TBC1D32: variants seen among roughly 807,000 people sequenced by gnomAD.
TBC1D32 encodes TBC1 domain family member 32, also known as protein broad-minded.
TBC1D32 carries 151 observed loss-of-function variants against 170.3 expected under a neutral mutation model. The observed-to-expected ratio is 0.89, with a 90% confidence interval of 0.78 to 1.01. The LOEUF is 1.01. Among genes scored for constraint, TBC1D32 ranks in the 50% least tolerant of loss-of-function variants. The probability of loss-of-function intolerance (pLI) is 0.00; values close to 1 mark genes in which losing one functional copy is unlikely to be tolerated. For missense variants in TBC1D32, 1,464 were observed against 1,457.1 expected (o/e 1.00, Z -0.08); for synonymous variants, 498 against 488.0 (o/e 1.02, Z -0.27).
intron 3 of TBC1D32, among the ~76,000 whole-genome samples, chr6:121,311,881 T>C (rs1808266932): frequency 1.3e-5 from 2 of 152,106 alleles, no homozygotes; most frequent in Admixed American, 6.6e-5. Flanking sequence ...GAAATACCAT[T>C]TGACCCAGCA....
At chr6:121,269,448 C>A (rs1030632569) in intron 15 of TBC1D32, among the ~76,000 whole-genome samples, 347 of 74,164 alleles carry the variant, frequency 4.7e-3, no homozygotes, top group Non-Finnish European at 0.013. Context: ...CAAAAAAAAG[C>A]AGGGGTTGCA....
chr6:121,132,454 T>A (rs1347749542), intron 24 of TBC1D32, among the ~76,000 whole-genome samples: 1 of 152,012 alleles, frequency 6.6e-6, no homozygotes. Context: ...AAATGACTTA[T>A]CTTTTAAGCC....
chr6:121,141,763 G>A (rs1782809598), intron 24 of TBC1D32, among the ~76,000 whole-genome samples: 2 of 152,046 alleles, frequency 1.3e-5, no homozygotes, highest in South Asian at 4.1e-4. Flanking sequence ...ATGCATGAAT[G>A]TGTAGGAGTT....
chr6:121,250,537 C>T (rs1028897298), intron 17 of TBC1D32, among the ~76,000 whole-genome samples: 2 of 151,966 alleles, frequency 1.3e-5, no homozygotes, highest in African/African-American at 4.8e-5. Context: ...AATTCAACAC[C>T]CCTTTATGCT....
intron 15 of TBC1D32, among the ~76,000 whole-genome samples, chr6:121,267,078 T>TA (rs60556893): frequency 1.8e-3 from 156 of 87,420 alleles, no homozygotes; most frequent in East Asian, 5.7e-3. Context: ...AAAGTAAAAT[T>TA]AAAAAAAAAA....
intron 20 of TBC1D32, among the ~76,000 whole-genome samples, chr6:121,230,663 A>G (rs1795626046): frequency 1.3e-5 from 2 of 151,772 alleles, no homozygotes; most frequent in Admixed American, 1.3e-4. Flanking sequence ...ATATACATAT[A>G]TACACACACG....
At chr6:121,255,120 CA>C (rs1410627361) in intron 17 of TBC1D32, among the ~76,000 whole-genome samples, 1 of 151,752 alleles carries the variant, frequency 6.6e-6, no homozygotes, top group African/African-American at 2.4e-5. Context: ...CAGAATGAAA[CA>C]AGTATAATAA....
intron 25 of TBC1D32, 104 bp from the exon 26 acceptor site, chr6:121,126,565 C>T: frequency 1.3e-6 from 1 of 753,432 alleles, no homozygotes; most frequent in Non-Finnish European, 2.2e-6. Flanking sequence ...CTGAACTTCA[C>T]AGATACACTC....
Position 121,317,444 on chromosome 6 carries a change from A to T in TBC1D32, c.495+51T>A, listed in dbSNP as rs182451610. 5.2e-6 allele frequency: 7 copies of T among 1,347,718 alleles called. No homozygotes were observed. The East Asian group carries it at 1.8e-4, about 35-fold the overall frequency. The allele number at this position is 1,347,718 out of a possible 1,614,324, so 83.5% of individuals were successfully genotyped here. On this transcript the variant is annotated intron_variant, in intron 3 of 31. Transcript: ENST00000398212. Reference sequence around the variant, plus strand: ...GCTAAGAAATAATTTATTGAAGCTAATTATTATTAAACAGCATTTCAAGAC... The same window carrying T: ...GCTAAGAAATAATTTATTGAAGCTATTTATTATTAAACAGCATTTCAAGAC...
At chr6:121,334,573 G>A (rs570927130), upstream of TBC1D32, 36 of 916,202 alleles carry the variant, frequency 3.9e-5, no homozygotes, top group South Asian at 3.9e-4. Flanking sequence ...CTGTGCCTGC[G>A]CCCTCAGCTG....
chr6:121,201,060 T>C (rs919545830), intron 22 of TBC1D32, among the ~76,000 whole-genome samples: 2 of 151,382 alleles, frequency 1.3e-5, no homozygotes, highest in African/African-American at 4.9e-5. Context: ...TCTGCCTTAA[T>C]TACTTCACAT....
intron 24 of TBC1D32, among the ~76,000 whole-genome samples, chr6:121,151,212 A>G (rs1784168639): frequency 6.6e-6 from 1 of 152,034 alleles, no homozygotes; most frequent in Non-Finnish European, 1.5e-5. Context: ...GTCTATTCTC[A>G]TTGGTTTCAA....
chr6:121,321,890 C>T, intron 1 of TBC1D32, 96 bp from the exon 2 acceptor site: 1 of 1,114,002 alleles, frequency 9.0e-7, no homozygotes, highest in Non-Finnish European at 1.2e-6. Context: ...AGATTTCTTA[C>T]CTTAAACTAG....
intron 11 of TBC1D32, among the ~76,000 whole-genome samples, chr6:121,292,917 G>T (rs1364519474): frequency 1.3e-5 from 2 of 152,094 alleles, no homozygotes; most frequent in African/African-American, 4.8e-5. Flanking sequence ...AGCTGTTACG[G>T]AACGCTGAAG....
chr6:121,290,196 A>G (rs1300028588), intron 12 of TBC1D32, among the ~76,000 whole-genome samples: 3 of 152,196 alleles, frequency 2.0e-5, no homozygotes, highest in African/African-American at 7.2e-5. Context: ...AGAAACTACC[A>G]TCAGAGTCAA....
chr6:121,259,501 CT>C (rs1489973396), intron 15 of TBC1D32, among the ~76,000 whole-genome samples: 1 of 152,076 alleles, frequency 6.6e-6, no homozygotes, highest in Non-Finnish European at 1.5e-5. Flanking sequence ...ATAAAGACCT[CT>C]AGTGAAATAT....
At chr6:121,334,534 G>A (rs1447172102), upstream of TBC1D32, 5 of 1,376,622 alleles carry the variant, frequency 3.6e-6, no homozygotes, top group African/African-American at 5.9e-5. Flanking sequence ...TACGTGCGGC[G>A]TCGTTCCCAG....
chr6:121,160,133 G>T, intron 23 of TBC1D32, 30 bp from the exon 24 acceptor site: 1 of 1,340,482 alleles, frequency 7.5e-7, no homozygotes, highest in Non-Finnish European at 1.1e-6. Context: ...GATGACTTTA[G>T]GAAGTGGTCT....
intron 22 of TBC1D32, among the ~76,000 whole-genome samples, chr6:121,181,676 C>G (rs1410914083): frequency 6.6e-6 from 1 of 152,064 alleles, no homozygotes; most frequent in African/African-American, 2.4e-5. Context: ...ATCTGCACTT[C>G]CATGTTTACT....
Sources: allele counts gnomAD v4.1 joint callset (sites outside exome capture counted in the v4.1 genomes callset), GRCh38; gene constraint gnomAD v4.1.1; transcripts MANE v1.5; gene names NCBI Gene and HGNC (gene_info 2026-07-23, HGNC 2026-07-21).